Variants in CDC42SE2 observed in about 807,000 individuals in gnomAD.
CDC42SE2 encodes the protein CDC42 small effector 2.
In CDC42SE2, 3 loss-of-function variants were observed where a neutral mutation model predicts 11.5. The observed-to-expected ratio is 0.26, with a 90% CI of 0.12 to 0.67. The LOEUF is 0.67. Ranked by LOEUF, CDC42SE2 falls within the 30% of genes least tolerant of loss-of-function variation. CDC42SE2 has a pLI of 0.80. For synonymous variants in CDC42SE2, 33 were observed against 34.8 expected (o/e 0.95, Z 0.18); for missense variants, 82 against 106.8 (o/e 0.77, Z 1.02).
chr5:131,338,713 C>T (rs1257902245), intron 2 of CDC42SE2, among the ~76,000 whole-genome samples: 1 of 152,158 alleles, frequency 6.6e-6, no homozygotes, highest in East Asian at 1.9e-4. Flanking sequence ...CCTAGAGATA[C>T]TGAGCGGAGG....
chr5:131,245,806 C>T (rs1756577105), intron 1 of CDC42SE2, among the ~76,000 whole-genome samples: 1 of 152,158 alleles, frequency 6.6e-6, no homozygotes, highest in Non-Finnish European at 1.5e-5. Flanking sequence ...GAATTTATGA[C>T]ATTTATGTTT....
chr5:131,379,416 A>G (rs2149785309), intron 3 of CDC42SE2, among the ~76,000 whole-genome samples: 1 of 152,314 alleles, frequency 6.6e-6, no homozygotes, highest in South Asian at 2.1e-4. Context: ...TGATGTAATT[A>G]CTGTTTTCTA....
chr5:131,221,300 GA>G, the CDC42SE2 span, among the ~76,000 whole-genome samples: 2 of 148,628 alleles, frequency 1.3e-5, no homozygotes, highest in African/African-American at 4.9e-5. Context: ...ATTTTTTTGC[GA>G]TTTTTTTTTT....
chr5:131,246,867 CT>C (rs1756598101), intron 1 of CDC42SE2, among the ~76,000 whole-genome samples: 1 of 151,472 alleles, frequency 6.6e-6, no homozygotes, highest in Non-Finnish European at 1.5e-5. Context: ...CCTCAGCCTC[CT>C]GAGTAGCTGG....
chr5:131,225,138 A>G, the CDC42SE2 span, among the ~76,000 whole-genome samples: 1 of 152,176 alleles, frequency 6.6e-6, no homozygotes, highest in Non-Finnish European at 1.5e-5. Flanking sequence ...GAGCCAGGGG[A>G]AGCCCAGAGC....
chr5:131,280,258 A>G (rs1757211025), intron 1 of CDC42SE2, among the ~76,000 whole-genome samples: 2 of 152,210 alleles, frequency 1.3e-5, no homozygotes, highest in Non-Finnish European at 2.9e-5. Context: ...GTAGAACATC[A>G]GAAAGTATAT....
At chr5:131,363,831 G>T (rs1332782033) in intron 3 of CDC42SE2, among the ~76,000 whole-genome samples, 1 of 151,804 alleles carries the variant, frequency 6.6e-6, no homozygotes, top group African/African-American at 2.4e-5. Context: ...GAGTAGCTGG[G>T]ACTACAGGCA....
intron 1 of CDC42SE2, among the ~76,000 whole-genome samples, chr5:131,265,528 T>C (rs1226465444): frequency 6.6e-6 from 1 of 152,170 alleles, no homozygotes; most frequent in East Asian, 1.9e-4. Context: ...AGCACCTGTT[T>C]ATGGGCACAG....
At chr5:131,313,225 G>A (rs1301193927) in intron 1 of CDC42SE2, among the ~76,000 whole-genome samples, 2 of 151,914 alleles carry the variant, frequency 1.3e-5, no homozygotes, top group Admixed American at 6.6e-5. Context: ...CTCGTGATCT[G>A]CCTGCCTCGG....
At chr5:131,373,383 A>C (rs1237409029) in intron 3 of CDC42SE2, among the ~76,000 whole-genome samples, 1 of 152,178 alleles carries the variant, frequency 6.6e-6, no homozygotes, top group Non-Finnish European at 1.5e-5. Flanking sequence ...ACTGATAAGC[A>C]AGCCAGCCAG....
chr5:131,368,259 A>C lies in CDC42SE2; in HGVS notation c.54+8712A>C, dbSNP rs573288410. 1.1e-3 allele frequency among the ~76,000 whole-genome samples: 173 copies of C among 151,758 alleles called. 1 individual carries two copies. The highest frequency in any genetic ancestry group is 4.0e-3 in the African/African-American group (166 of 41,432). On this transcript the variant is annotated intron_variant, in intron 3 of 4. Coordinates refer to ENST00000505065, the MANE Select transcript of CDC42SE2 (RefSeq NM_001375635.1). ...TAGAGTGAGACTCCATCTCAAAAAA[A>C]AAAAAAAAAAAAAAGAAGTCTTTCC...
rs1418866339 is a variant in CDC42SE2 at position 131,391,272 on chromosome 5, TCTTTTC to T, written c.*185_*190del. On this transcript the variant is annotated 3_prime_UTR_variant, in exon 5 of 5. Coordinates refer to ENST00000505065, the MANE Select transcript of CDC42SE2 (RefSeq NM_001375635.1). ...TGCACTTGGAATGTAAGTTTTAGGT[TCTTTTC>T]CTTATTAAGAACTTTAAATACTTTA... 1.5e-5 allele frequency: 4 copies of T among 263,878 alleles called. No homozygotes were observed. The highest frequency in any genetic ancestry group is 9.0e-5 in the African/African-American group (4 of 44,484). 16.3% of individuals were successfully genotyped at this position (263,878 alleles called of 1,614,324 possible).
At chr5:131,244,141 A>G (rs542424817), upstream of CDC42SE2, among the ~76,000 whole-genome samples, 26 of 152,360 alleles carry the variant, frequency 1.7e-4, no homozygotes, top group African/African-American at 6.0e-4. Flanking sequence ...ATTCACCAGA[A>G]AGACAGAATA....
intron 1 of CDC42SE2, among the ~76,000 whole-genome samples, chr5:131,268,931 A>G (rs1439101020): frequency 6.6e-6 from 1 of 151,668 alleles, no homozygotes; most frequent in Middle Eastern, 3.2e-3. Context: ...TTGTATTTTT[A>G]GTAGAGCCGG....
chr5:131,251,978 G>C (rs1156484736), intron 1 of CDC42SE2, among the ~76,000 whole-genome samples: 3 of 151,808 alleles, frequency 2.0e-5, no homozygotes. Flanking sequence ...TTGTGCCACT[G>C]CACTACAGCC....
the CDC42SE2 span, among the ~76,000 whole-genome samples, chr5:131,214,573 G>C: frequency 1.3e-5 from 2 of 152,154 alleles, no homozygotes; most frequent in Non-Finnish European, 2.9e-5. Flanking sequence ...CAGAGAAACA[G>C]ACTGATGTAG....
chr5:131,336,585 C>T (rs1326398962), intron 2 of CDC42SE2, among the ~76,000 whole-genome samples: 1 of 152,202 alleles, frequency 6.6e-6, no homozygotes, highest in African/African-American at 2.4e-5. Context: ...TGGTTCCATT[C>T]TCCCCGTCAC....
chr5:131,384,569 CA>C (rs1047852686), intron 3 of CDC42SE2, among the ~76,000 whole-genome samples: 17 of 152,088 alleles, frequency 1.1e-4, no homozygotes, highest in African/African-American at 4.1e-4. Flanking sequence ...TGGTCTCTCC[CA>C]ATAACATTAT....
chr5:131,383,349 C>T (rs1750378730), intron 3 of CDC42SE2, among the ~76,000 whole-genome samples: 1 of 152,132 alleles, frequency 6.6e-6, no homozygotes, highest in Non-Finnish European at 1.5e-5. Flanking sequence ...CCATTTTAAC[C>T]TGCAAGTTTT....
Sources: allele counts gnomAD v4.1 joint callset (sites outside exome capture counted in the v4.1 genomes callset), GRCh38; gene constraint gnomAD v4.1.1; transcripts MANE v1.5; gene names NCBI Gene and HGNC (gene_info 2026-07-23, HGNC 2026-07-21).